The following KCNH7 variants were observed in gnomAD, a reference collection of about 807,000 sequenced individuals.
KCNH7 encodes potassium voltage-gated channel subfamily H member 7, also known as voltage-gated inwardly rectifying potassium channel KCNH7.
KCNH7 carries 49 observed loss-of-function variants against 120.8 expected under a neutral mutation model. The observed-to-expected ratio is 0.41, with a 90% CI of 0.32 to 0.51. The LOEUF (loss-of-function observed/expected upper bound fraction) is 0.51, where lower values mean the gene tolerates loss of function less well. Ranked by LOEUF, KCNH7 falls within the 20% of genes least tolerant of loss-of-function variation. The pLI is 0.38. For synonymous variants in KCNH7, 547 were observed against 516.1 expected (o/e 1.06, Z -0.81); for missense variants, 1,097 against 1,446.6 (o/e 0.76, Z 3.92).
At chr2:162,817,909 A>T (rs905029862) in intron 2 of KCNH7, among the ~76,000 whole-genome samples, 2 of 152,114 alleles carry the variant, frequency 1.3e-5, no homozygotes, top group African/African-American at 4.8e-5. Context: ...AGACACACAC[A>T]TATATGTATA....
intron 2 of KCNH7, among the ~76,000 whole-genome samples, chr2:162,544,813 T>C (rs1692422506): frequency 6.6e-6 from 1 of 152,238 alleles, no homozygotes; most frequent in African/African-American, 2.4e-5. Context: ...CCACATTTCA[T>C]TTTAATCTAT....
At chr2:162,735,056 A>G (rs1687852380) in intron 2 of KCNH7, among the ~76,000 whole-genome samples, 1 of 152,190 alleles carries the variant, frequency 6.6e-6, no homozygotes, top group Non-Finnish European at 1.5e-5. Flanking sequence ...AGTAAGTTTC[A>G]CAGGATGTGA....
chr2:162,451,719 C>A (rs1281885100), intron 6 of KCNH7, among the ~76,000 whole-genome samples: 2 of 151,942 alleles, frequency 1.3e-5, no homozygotes, highest in East Asian at 3.9e-4. Context: ...TTTGATCAAT[C>A]AATAAATAAA....
rs1390562448 is a variant in KCNH7 at position 162,510,869 on chromosome 2, G to C, written c.913+1785C>G. On this transcript the variant is annotated intron_variant, in intron 5 of 15. Coordinates refer to ENST00000332142, the MANE Select transcript of KCNH7 (RefSeq NM_033272.4). Reference sequence around the variant, plus strand: ...ATTGTTAATAGTTTTCAAAACCAGAGCTTGAAAAACGTAATGAAGACTTTG... The same window carrying C: ...ATTGTTAATAGTTTTCAAAACCAGACCTTGAAAAACGTAATGAAGACTTTG... Among the ~76,000 whole-genome samples the C allele has an allele frequency of 2.0e-5, 3 of 151,638 alleles. No homozygotes were observed. In the East Asian group the frequency reaches 5.9e-4, roughly 30 times the overall value.
At chr2:162,696,886 A>T (rs529154604) in intron 2 of KCNH7, among the ~76,000 whole-genome samples, 1 of 152,204 alleles carries the variant, frequency 6.6e-6, no homozygotes, top group South Asian at 2.1e-4. Context: ...TGAACTCATA[A>T]TTATACTTTA....
intron 2 of KCNH7, among the ~76,000 whole-genome samples, chr2:162,820,209 T>TTTTGTGTGTGTGTGTGTG (rs1685065641): frequency 1.0e-5 from 1 of 99,682 alleles, no homozygotes; most frequent in Non-Finnish European, 2.0e-5. Flanking sequence ...CCGGCTAATT[T>TTTTGTGTGTGTGTGTGTG]TGTGTGTGTG....
intron 7 of KCNH7, among the ~76,000 whole-genome samples, chr2:162,445,322 C>A (rs1688543138): frequency 6.6e-6 from 1 of 152,090 alleles, no homozygotes; most frequent in Non-Finnish European, 1.5e-5. Context: ...TACTTTCAAG[C>A]ATTCTATAAA....
chr2:162,483,403 A>C (rs968533183), intron 6 of KCNH7, among the ~76,000 whole-genome samples: 8 of 152,144 alleles, frequency 5.3e-5, no homozygotes, highest in African/African-American at 1.9e-4. Flanking sequence ...TGGTCTTTTG[A>C]AACAGATTTC....
chr2:162,777,261 A>G (rs1211788780), intron 2 of KCNH7, among the ~76,000 whole-genome samples: 1 of 152,168 alleles, frequency 6.6e-6, no homozygotes, highest in Non-Finnish European at 1.5e-5. Context: ...AAATATTTAC[A>G]CATGACCTAG....
intron 6 of KCNH7, among the ~76,000 whole-genome samples, chr2:162,493,700 G>C (rs1224210858): frequency 6.6e-6 from 1 of 152,156 alleles, no homozygotes; most frequent in African/African-American, 2.4e-5. Context: ...AAATTGCTAA[G>C]AGTTGCCATC....
chr2:162,602,107 A>G (rs1694577946), intron 2 of KCNH7, among the ~76,000 whole-genome samples: 1 of 152,080 alleles, frequency 6.6e-6, no homozygotes, highest in African/African-American at 2.4e-5. Context: ...TTTTGTAATA[A>G]AATGCAATTT....
At chr2:162,443,097 C>T (rs1451889599) in intron 7 of KCNH7, among the ~76,000 whole-genome samples, 1 of 152,092 alleles carries the variant, frequency 6.6e-6, no homozygotes, top group African/African-American at 2.4e-5. Context: ...GGTTTTAAGG[C>T]TTTATTTTTG....
chr2:162,451,016 G>A (rs1424548617), intron 6 of KCNH7, among the ~76,000 whole-genome samples: 1 of 151,956 alleles, frequency 6.6e-6, no homozygotes, highest in Non-Finnish European at 1.5e-5. Context: ...ACCCAATCAG[G>A]TAATATAAAT....
At chr2:162,655,034 G>A (rs192209689) in intron 2 of KCNH7, among the ~76,000 whole-genome samples, 1 of 152,084 alleles carries the variant, frequency 6.6e-6, no homozygotes, top group African/African-American at 2.4e-5. Context: ...AATTAGACAG[G>A]AGGAATAAAT....
At chr2:162,420,078 CA>C (rs527615686) in intron 9 of KCNH7, among the ~76,000 whole-genome samples, 1 of 151,954 alleles carries the variant, frequency 6.6e-6, no homozygotes, top group African/African-American at 2.4e-5. Context: ...AGATCATACT[CA>C]AAAAAACACA....
chr2:162,409,012 A>C (rs1196272537), intron 9 of KCNH7, among the ~76,000 whole-genome samples: 1 of 151,850 alleles, frequency 6.6e-6, no homozygotes. Flanking sequence ...AAAAATAAAG[A>C]CTCAAACAAT....
intron 2 of KCNH7, among the ~76,000 whole-genome samples, chr2:162,648,855 G>A (rs1006083981): frequency 1.5e-4 from 23 of 151,994 alleles, no homozygotes; most frequent in African/African-American, 5.1e-4. Flanking sequence ...TTTTCTGGGT[G>A]GTGGGACGTG....
intron 2 of KCNH7, among the ~76,000 whole-genome samples, chr2:162,765,485 G>C (rs896728962): frequency 6.6e-6 from 1 of 152,130 alleles, no homozygotes; most frequent in African/African-American, 2.4e-5. Context: ...TAGGTCCTTT[G>C]CTGTGTGCTG....
At chr2:162,419,274 T>TAAAAAAAAA (rs758417385) in intron 9 of KCNH7, among the ~76,000 whole-genome samples, 1 of 61,870 alleles carries the variant, frequency 1.6e-5, no homozygotes, top group Non-Finnish European at 3.2e-5. Context: ...TGTCCCAGGC[T>TAAAAAAAAA]AAAAAAAAAA....
Sources: gnomAD v4.1 joint callset for allele counts (sites outside exome capture counted in the v4.1 genomes callset) on GRCh38, gnomAD v4.1.1 for gene constraint, MANE v1.5 for transcripts, NCBI Gene and HGNC (gene_info 2026-07-23, HGNC 2026-07-21) for gene names.